Variants in PCDH9 observed in about 807,000 individuals in gnomAD.
PCDH9 encodes the protein protocadherin 9.
A neutral mutation model predicts 70.6 loss-of-function variants in PCDH9; 24 were observed. The observed-to-expected ratio is 0.34, with a 90% CI of 0.25 to 0.48. The LOEUF is 0.48. PCDH9 is among the 20% of genes least tolerant of loss of function. The pLI is 0.99. For synonymous variants in PCDH9, 562 were observed against 558.5 expected, an observed-to-expected ratio of 1.01 and a Z score of -0.09; for missense variants, 1,281 against 1,503.6, an observed-to-expected ratio of 0.85 and a Z score of 2.45.
chr13:67,078,064 T>C (rs1216991647), intron 2 of PCDH9, among the ~76,000 whole-genome samples: 1 of 152,150 alleles, frequency 6.6e-6, no homozygotes, highest in Non-Finnish European at 1.5e-5. Flanking sequence ...GGAAACTACT[T>C]GGCATTCCTG....
At chr13:66,945,869 T>C (rs1322176577) in intron 2 of PCDH9, among the ~76,000 whole-genome samples, 1 of 152,168 alleles carries the variant, frequency 6.6e-6, no homozygotes, top group Non-Finnish European at 1.5e-5. Context: ...TGTCTTAGGA[T>C]GGAATTGCTA....
rs114919024 is a variant in PCDH9, at chr13:66,324,481, A to C, written c.3341-19453T>G. On this transcript the variant is annotated intron_variant, in intron 4 of 4. Coordinates refer to ENST00000377865, the MANE Select transcript of PCDH9 (RefSeq NM_203487.3). ...GGATGAATTTAGAGCTTCTAATTCCAAAAACAAGGCCACATGCTGCTGCCA... is the reference window on the plus strand; with the variant it reads ...GGATGAATTTAGAGCTTCTAATTCCCAAAACAAGGCCACATGCTGCTGCCA... Among the ~76,000 whole-genome samples the C allele has an allele frequency of 9.7e-4, 147 of 152,210 alleles. 6 individuals carry two copies. The highest frequency in any genetic ancestry group is 3.5e-3 in the African/African-American group (146 of 41,454).
At chr13:67,191,715 T>G (rs2088919379) in intron 2 of PCDH9, among the ~76,000 whole-genome samples, 1 of 152,100 alleles carries the variant, frequency 6.6e-6, no homozygotes, top group South Asian at 2.1e-4. Context: ...CTTATATTCT[T>G]AACGCCATTC....
chr13:67,095,061 T>G (rs908334229), intron 2 of PCDH9, among the ~76,000 whole-genome samples: 2 of 151,132 alleles, frequency 1.3e-5, no homozygotes, highest in Non-Finnish European at 3.0e-5. Context: ...AGCATGAGAG[T>G]TTTTTTTTCA....
intron 2 of PCDH9, among the ~76,000 whole-genome samples, chr13:67,092,074 A>G (rs949201341): frequency 6.6e-6 from 1 of 152,148 alleles, no homozygotes; most frequent in Admixed American, 6.6e-5. Context: ...TAATGATTTG[A>G]CTTGATATTC....
intron 4 of PCDH9, among the ~76,000 whole-genome samples, chr13:66,481,050 A>G (rs1958825740): frequency 6.6e-6 from 1 of 152,140 alleles, no homozygotes; most frequent in African/African-American, 2.4e-5. Flanking sequence ...AAACTAACAC[A>G]GGAACAGAAA....
At chr13:66,711,735 G>A (rs763772318) in intron 3 of PCDH9, among the ~76,000 whole-genome samples, 14 of 152,002 alleles carry the variant, frequency 9.2e-5, no homozygotes, top group Non-Finnish European at 1.5e-4. Flanking sequence ...TATCATCGAT[G>A]GTCACATTAA....
intron 4 of PCDH9, among the ~76,000 whole-genome samples, chr13:66,470,011 T>C (rs1339985027): frequency 6.6e-6 from 1 of 152,190 alleles, no homozygotes; most frequent in African/African-American, 2.4e-5. Context: ...CCGTGATCTC[T>C]GGTGAATTCT....
Position 66,744,363 on chromosome 13 carries a change from T to A in PCDH9, c.3139-112952A>T, listed in dbSNP as rs1000983656. ...GATCGCATGCATAAAACTATGCAGG[T>A]AGACTCTAAAGCATGACTTGAAGTA... On this transcript the variant is annotated intron_variant, in intron 3 of 4. Transcript: ENST00000377865. Among the ~76,000 whole-genome samples the A allele has an allele frequency of 2.0e-5, 3 of 152,164 alleles. No homozygotes were observed. In the South Asian group the frequency reaches 6.2e-4, roughly 31 times the overall value.
At chr13:67,207,358 T>C (rs571893456) in intron 2 of PCDH9, 3 of 152,248 alleles carry the variant, frequency 2.0e-5, no homozygotes, top group East Asian at 1.9e-4. Flanking sequence ...CCGTAAACTA[T>C]TCTCCCCTGA....
intron 3 of PCDH9, among the ~76,000 whole-genome samples, chr13:66,646,997 G>A (rs890021024): frequency 6.6e-6 from 1 of 152,178 alleles, no homozygotes; most frequent in Non-Finnish European, 1.5e-5. Context: ...TGCCCATGGA[G>A]AGAACATTTA....
intron 3 of PCDH9, among the ~76,000 whole-genome samples, chr13:66,655,219 T>C (rs1233024581): frequency 1.3e-5 from 2 of 152,042 alleles, no homozygotes; most frequent in Non-Finnish European, 1.5e-5. Context: ...AAAACAGTAG[T>C]TAAGAGTGAG....
intron 2 of PCDH9, among the ~76,000 whole-genome samples, chr13:66,950,510 T>G (rs1472376668): frequency 6.6e-6 from 1 of 152,126 alleles, no homozygotes; most frequent in African/African-American, 2.4e-5. Context: ...TTTTTTTAGT[T>G]TTAACATTCC....
chr13:66,734,240 G>A (rs2079114656), intron 3 of PCDH9, among the ~76,000 whole-genome samples: 2 of 152,188 alleles, frequency 1.3e-5, no homozygotes, highest in South Asian at 4.1e-4. Flanking sequence ...GGATAGCAAA[G>A]CTTGGGTGAG....
intron 2 of PCDH9, among the ~76,000 whole-genome samples, chr13:67,069,372 G>T (rs2085713156): frequency 6.6e-6 from 1 of 152,094 alleles, no homozygotes; most frequent in African/African-American, 2.4e-5. Flanking sequence ...TTGGTGTTAG[G>T]TGTTGGAGAA....
At chr13:66,673,609 C>T (rs1029779327) in intron 3 of PCDH9, among the ~76,000 whole-genome samples, 2 of 152,142 alleles carry the variant, frequency 1.3e-5, no homozygotes, top group Non-Finnish European at 2.9e-5. Flanking sequence ...CTTCAAAGAC[C>T]TCAGAAGGCA....
intron 2 of PCDH9, among the ~76,000 whole-genome samples, chr13:67,113,660 G>A (rs2086702182): frequency 6.6e-6 from 1 of 151,998 alleles, no homozygotes; most frequent in East Asian, 1.9e-4. Context: ...CCACTCTCCT[G>A]CCTCAGCCTC....
chr13:66,339,619 G>T (rs930099325), intron 4 of PCDH9, among the ~76,000 whole-genome samples: 1 of 152,168 alleles, frequency 6.6e-6, no homozygotes, highest in South Asian at 2.1e-4. Context: ...ACTGTGCCAT[G>T]ATTATGTTTT....
intron 2 of PCDH9, among the ~76,000 whole-genome samples, chr13:66,913,672 T>G (rs2082509237): frequency 6.6e-6 from 1 of 152,040 alleles, no homozygotes. Flanking sequence ...ACTTGATAGA[T>G]TTTTATTTGC....
Sources: allele counts gnomAD v4.1 joint callset (sites outside exome capture counted in the v4.1 genomes callset), GRCh38; gene constraint gnomAD v4.1.1; transcripts MANE v1.5; gene names NCBI Gene and HGNC (gene_info 2026-07-23, HGNC 2026-07-21).